RABGEF1: variants seen among roughly 807,000 people sequenced by gnomAD.
RABGEF1 encodes RAB guanine nucleotide exchange factor 1.
Under a neutral mutation model 57.3 loss-of-function variants are expected in RABGEF1, and 26 were observed. The observed-to-expected ratio is 0.45, with a 90% CI of 0.33 to 0.63. The LOEUF is 0.63. Among genes scored for constraint, RABGEF1 ranks in the 20% least tolerant of loss-of-function variants. The pLI, the probability that RABGEF1 is intolerant of heterozygous loss-of-function variation, is 0.02. For missense variants in RABGEF1, 464 were observed against 607.6 expected (o/e 0.76, Z 2.48); for synonymous variants, 185 against 210.7 (o/e 0.88, Z 1.06).
rs1394196347 is a variant in RABGEF1, at chr7:66,717,497, C to T, written c.-815+5273C>T. Among the ~76,000 whole-genome samples the T allele has an allele frequency of 2.0e-5, 3 of 151,942 alleles. No individual in the cohort carries two copies. In the East Asian group the frequency reaches 5.8e-4, roughly 29 times the overall value. On this transcript the variant is annotated intron_variant and NMD_transcript_variant, in intron 2 of 9. Coordinates refer to the RABGEF1 transcript ENST00000607882. ...TTAGGCCAGGGCGTGGTGGCTCACA[C>T]CTGTAATCCCAGCACTTTGGGAGGC...
intron 4 of RABGEF1, among the ~76,000 whole-genome samples, chr7:66,787,168 A>G (rs943807665): frequency 6.7e-6 from 1 of 149,904 alleles, no homozygotes; most frequent in Non-Finnish European, 1.5e-5. Context: ...CTGGGATTAC[A>G]TGCATGTGCC....
At chr7:66,662,871 G>A in the RABGEF1 span, among the ~76,000 whole-genome samples, 1 of 151,302 alleles carries the variant, frequency 6.6e-6, no homozygotes, top group African/African-American at 2.4e-5. Context: ...ATGTACAGAC[G>A]TGTGTACAGG....
At chr7:66,774,717 G>A (rs1032051373) in intron 2 of RABGEF1, among the ~76,000 whole-genome samples, 1 of 152,114 alleles carries the variant, frequency 6.6e-6, no homozygotes, top group East Asian at 1.9e-4. Flanking sequence ...CTGATACCAT[G>A]CTATTACACT....
intron 2 of RABGEF1, among the ~76,000 whole-genome samples, chr7:66,718,319 C>T (rs916698182): frequency 5.3e-5 from 8 of 152,128 alleles, no homozygotes; most frequent in Admixed American, 5.2e-4. Context: ...CACACTCCAG[C>T]CTGGGTGACA....
In RABGEF1 at chr7:66,771,988, C is replaced by G. The variant is rs1268661692; in HGVS notation, c.89C>G (p.Ala30Gly). 1.1e-5 allele frequency: 17 copies of G among 1,598,396 alleles called. No homozygotes were observed. Among genetic ancestry groups the G allele is most frequent in the Non-Finnish European group, 1.4e-5 (17 of 1,172,952 alleles). Reference sequence around the variant, plus strand: ...GGATGTGGTTACTACGGCAACCCTGCCTGGCAGGGTTTCTGCTCCAAGTGC... The same window carrying G: ...GGATGTGGTTACTACGGCAACCCTGGCTGGCAGGGTTTCTGCTCCAAGTGC... Reference protein sequence around the residue: ...KKGCGYYGNPAWQGFCSKCWR... With the variant: ...KKGCGYYGNPGWQGFCSKCWR... Residue 30 changes from alanine to glycine, a missense_variant, in exon 2 of 9, where the codon GCC becomes GGC. Physicochemically the swap from Ala to Gly is moderately conservative, Grantham distance 60. This residue lies in a region of RABGEF1 where 12 missense variants were observed against 46.0 expected (regional missense o/e 0.26). Transcript: ENST00000284957.
chr7:66,792,207 T>C (rs528445076), intron 4 of RABGEF1, among the ~76,000 whole-genome samples: 5 of 152,354 alleles, frequency 3.3e-5, no homozygotes, highest in African/African-American at 1.2e-4. Context: ...CTATCTTTTT[T>C]TCTTGGAAAA....
At chr7:66,707,881 CA>C (rs943101822) in intron 1 of RABGEF1, among the ~76,000 whole-genome samples, 45 of 152,196 alleles carry the variant, frequency 3.0e-4, no homozygotes, top group African/African-American at 1.1e-3. Flanking sequence ...TCTCTAGTAA[CA>C]TTTTTTTTGT....
chr7:66,696,764 G>C (rs1438686978), intron 1 of RABGEF1, among the ~76,000 whole-genome samples: 1 of 152,046 alleles, frequency 6.6e-6, no homozygotes, highest in Admixed American at 6.6e-5. Context: ...TGGCAGGCAT[G>C]GGAGAGCAAA....
intron 1 of RABGEF1, among the ~76,000 whole-genome samples, chr7:66,756,757 T>C (rs1308481647): frequency 6.6e-6 from 1 of 152,182 alleles, no homozygotes; most frequent in Non-Finnish European, 1.5e-5. Flanking sequence ...CCATTTTCTG[T>C]TTGTCTCTAA....
chr7:66,709,705 G>A (rs1001198123), intron 1 of RABGEF1, among the ~76,000 whole-genome samples: 1 of 152,164 alleles, frequency 6.6e-6, no homozygotes, highest in African/African-American at 2.4e-5. Flanking sequence ...AACCTGGGAG[G>A]TGGAGGTTGC....
At chr7:66,795,948 G>A (rs1036238850) in intron 5 of RABGEF1, among the ~76,000 whole-genome samples, 3 of 152,138 alleles carry the variant, frequency 2.0e-5, no homozygotes, top group African/African-American at 4.8e-5. Flanking sequence ...AGACCAGCCT[G>A]GCCAACATGG....
intron 1 of RABGEF1, among the ~76,000 whole-genome samples, chr7:66,766,957 T>A (rs1367355127): frequency 2.0e-5 from 3 of 151,406 alleles, no homozygotes; most frequent in Non-Finnish European, 4.4e-5. Context: ...TCTTCTGTTC[T>A]GTACTTCTCC....
At chr7:66,745,862 A>C (rs1800104587) in intron 1 of RABGEF1, among the ~76,000 whole-genome samples, 1 of 152,084 alleles carries the variant, frequency 6.6e-6, no homozygotes, top group East Asian at 1.9e-4. Context: ...TGGGAGGCCA[A>C]AGTGGGAGAA....
chr7:66,782,450 A>G (rs1810157035), intron 3 of RABGEF1, among the ~76,000 whole-genome samples: 1 of 148,190 alleles, frequency 6.7e-6, no homozygotes, highest in Admixed American at 6.7e-5. Flanking sequence ...AACATAGCAC[A>G]GTGTACATAC....
intron 3 of RABGEF1, among the ~76,000 whole-genome samples, chr7:66,775,833 C>T (rs533422710): frequency 1.3e-5 from 2 of 152,208 alleles, no homozygotes; most frequent in Admixed American, 6.5e-5. Context: ...TGAGAGACAG[C>T]TTGTGTCTTG....
At chr7:66,690,263 G>A (rs1791325229) in intron 1 of RABGEF1, among the ~76,000 whole-genome samples, 1 of 151,260 alleles carries the variant, frequency 6.6e-6, no homozygotes, top group South Asian at 2.1e-4. Context: ...ACCACACCCG[G>A]CTAATTTTTG....
At chr7:66,745,909 G>A (rs553428700) in intron 1 of RABGEF1, among the ~76,000 whole-genome samples, 1 of 152,288 alleles carries the variant, frequency 6.6e-6, no homozygotes, top group African/African-American at 2.4e-5. Context: ...GCAGTGAGCT[G>A]TGATCAAGCC....
At chr7:66,721,009 C>G (rs771297089) in intron 2 of RABGEF1, among the ~76,000 whole-genome samples, 1 of 152,232 alleles carries the variant, frequency 6.6e-6, no homozygotes, top group African/African-American at 2.4e-5. Flanking sequence ...CCTCCACTTC[C>G]CAGGTTCAAG....
chr7:66,711,655 C>T (rs1294930570), intron 1 of RABGEF1, among the ~76,000 whole-genome samples: 2 of 151,758 alleles, frequency 1.3e-5, no homozygotes, highest in Non-Finnish European at 2.9e-5. Flanking sequence ...GGCACAATCT[C>T]GGCTCGCTGC....
Sources: gnomAD v4.1 joint callset for allele counts (sites outside exome capture counted in the v4.1 genomes callset) on GRCh38, gnomAD v4.1.1 for gene constraint, gnomAD v4.1.1 regional missense constraint, MANE v1.5 for transcripts, NCBI Gene and HGNC (gene_info 2026-07-23, HGNC 2026-07-21) for gene names.